CEP85L: variants seen among roughly 807,000 people sequenced by gnomAD.
CEP85L encodes centrosomal protein 85L, also known as centrosomal protein of 85 kDa-like.
In CEP85L, 60 loss-of-function variants were observed where a neutral mutation model predicts 100.3. That is an observed-to-expected ratio of 0.60 (90% CI 0.49 to 0.74). The LOEUF (loss-of-function observed/expected upper bound fraction) is 0.74. Ranked by LOEUF, CEP85L falls within the 30% of genes least tolerant of loss-of-function variation. The pLI, the probability that CEP85L is intolerant of heterozygous loss-of-function variation, is 0.00. For missense variants in CEP85L, 973 were observed against 936.2 expected (o/e 1.04, Z -0.51); for synonymous variants, 319 against 322.7 (o/e 0.99, Z 0.12).
rs1444853829 is a variant in CEP85L at position 118,464,784 on chromosome 6, C to G, written c.*621G>C. The G allele has an allele frequency of 3.9e-5, 2 of 50,840 alleles. No homozygotes were observed. The highest frequency in any genetic ancestry group is 5.3e-4 in the Admixed American group (2 of 3,740). The allele number at this position is 50,840 out of a possible 1,614,324, so 3.1% of individuals were successfully genotyped here. A position where few individuals can be genotyped will look rare whatever the true frequency, so the allele number is the denominator to read the frequency against. On this transcript the variant is annotated 3_prime_UTR_variant, in exon 13 of 13. Coordinates refer to ENST00000368491, the MANE Select transcript of CEP85L (RefSeq NM_001042475.3). ...AAAAACAGCTGACCTATCTACAGTA[C>G]TAAAATCAGCTCAACCACAAACATC...
At chr6:118,554,294 T>C (rs527486824) in intron 3 of CEP85L, among the ~76,000 whole-genome samples, 233 of 152,112 alleles carry the variant, frequency 1.5e-3, no homozygotes, top group Middle Eastern at 3.4e-3. Flanking sequence ...CAGTCATTCA[T>C]TCATCCATTC....
In CEP85L at chr6:118,512,917, C is replaced by T. The variant is rs143142979; in HGVS notation, c.1140-1502G>A. On this transcript the variant is annotated intron_variant, in intron 4 of 12. Transcript: ENST00000368491. ...ACTCATAATAATAAGAAAATCCAAT[C>T]AACTGAAAGTGAGCTAGAACTGACA... Among the ~76,000 whole-genome samples the T allele has an allele frequency of 7.2e-5, 11 of 152,156 alleles. No homozygotes were observed. The East Asian group carries it at 1.5e-3, about 21-fold the overall frequency.
intron 3 of CEP85L, among the ~76,000 whole-genome samples, chr6:118,541,712 T>C (rs761646143): frequency 1.3e-5 from 2 of 152,178 alleles, no homozygotes; most frequent in Admixed American, 6.5e-5. Flanking sequence ...TACATTAAGG[T>C]AGGATTACCT....
intron 8 of CEP85L, 63 bp downstream of exon 8, chr6:118,481,716 A>T: frequency 1.1e-6 from 1 of 950,154 alleles, no homozygotes; most frequent in Non-Finnish European, 1.5e-6. Flanking sequence ...AATTAATTTA[A>T]GTAAAATGTT....
intron 2 of CEP85L, among the ~76,000 whole-genome samples, chr6:118,609,576 C>G (rs142622309): frequency 6.6e-6 from 1 of 152,208 alleles, no homozygotes; most frequent in East Asian, 1.9e-4. Flanking sequence ...AGTATACAGA[C>G]ATATATTCCC....
At chr6:118,553,839 T>C (rs1778690599) in intron 3 of CEP85L, among the ~76,000 whole-genome samples, 1 of 152,216 alleles carries the variant, frequency 6.6e-6, no homozygotes, top group Non-Finnish European at 1.5e-5. Flanking sequence ...TTCAGGTTAA[T>C]ACTGTGTTAA....
intron 3 of CEP85L, chr6:118,559,628 ACAT>A (rs1164537758): frequency 5.9e-6 from 1 of 169,452 alleles, no homozygotes; most frequent in Non-Finnish European, 1.4e-5. Context: ...ATCAGAATCT[ACAT>A]TCTAAAACAG....
intron 3 of CEP85L, chr6:118,537,473 T>G: frequency 1.0e-6 from 1 of 976,802 alleles, no homozygotes. Flanking sequence ...AATGTAGGCA[T>G]GTAGACCCTA....
chr6:118,666,031 C>A (rs934352798), intron 1 of CEP85L, among the ~76,000 whole-genome samples: 1 of 152,156 alleles, frequency 6.6e-6, no homozygotes, highest in Non-Finnish European at 1.5e-5. Context: ...ATTTATTTAA[C>A]TTTTGGTAAA....
At chr6:118,522,621 T>C (rs1776729561) in intron 4 of CEP85L, among the ~76,000 whole-genome samples, 1 of 152,206 alleles carries the variant, frequency 6.6e-6, no homozygotes, top group Admixed American at 6.5e-5. Flanking sequence ...CTCATGTTTG[T>C]AATCCTAGCA....
intron 2 of CEP85L, among the ~76,000 whole-genome samples, chr6:118,617,190 C>A (rs1001774844): frequency 6.6e-6 from 1 of 152,054 alleles, no homozygotes; most frequent in Non-Finnish European, 1.5e-5. Context: ...GGGATTACTT[C>A]GGTTCTGGAT....
intron 2 of CEP85L, among the ~76,000 whole-genome samples, chr6:118,622,890 T>C (rs1773542795): frequency 6.6e-6 from 1 of 152,220 alleles, no homozygotes; most frequent in African/African-American, 2.4e-5. Flanking sequence ...AGGACTTCCC[T>C]TTAGAAGTGC....
rs1772192870 is a variant in CEP85L, at chr6:118,460,835, G to C, written c.*4570C>G. 6.6e-6 allele frequency: 1 copy of C among 152,004 alleles called. No individual in the cohort carries two copies. Among genetic ancestry groups the C allele is most frequent in the Non-Finnish European group, 1.5e-5 (1 of 67,990 alleles). The allele number at this position is 152,004 out of a possible 1,614,324, so 9.4% of individuals were successfully genotyped here. On this transcript the variant is annotated 3_prime_UTR_variant, in exon 13 of 13. Transcript: ENST00000368491. ...TCCAACATCAACAAACAATAGTCCA[G>C]TGGAAAAATACTAGCCATTAACATT...
intron 2 of CEP85L, among the ~76,000 whole-genome samples, chr6:118,630,240 A>G (rs1261205338): frequency 6.6e-6 from 1 of 152,240 alleles, no homozygotes; most frequent in Non-Finnish European, 1.5e-5. Context: ...CCTGTTGAAT[A>G]TAGCTGTATG....
intron 2 of CEP85L, chr6:118,589,509 C>A (rs1333108121): frequency 7.9e-6 from 2 of 254,528 alleles, no homozygotes; most frequent in Non-Finnish European, 1.7e-5. Flanking sequence ...AAAGAAAGTA[C>A]CTCTGAGAAG....
At position 118,465,244 on chromosome 6, in the gene CEP85L, C is replaced by T; in HGVS notation, c.*161G>A. ...TTCTTTTTGCCTGATTAGATAAGCC[C>T]CTTCAAAATCTCTTCACTTCCCTTC... On this transcript the variant is annotated 3_prime_UTR_variant, in exon 13 of 13. Coordinates refer to ENST00000368491, the MANE Select transcript of CEP85L (RefSeq NM_001042475.3). The T allele has an allele frequency of 3.6e-6, 2 of 549,904 alleles. No homozygotes were observed. The highest frequency in any genetic ancestry group is 3.5e-5 in the South Asian group (1 of 28,338). The allele number at this position is 549,904 out of a possible 1,614,324, so 34.1% of individuals were successfully genotyped here. A position where few individuals can be genotyped will look rare whatever the true frequency, so the allele number is the denominator to read the frequency against.
chr6:118,670,232 T>TC, intron 1 of CEP85L, among the ~76,000 whole-genome samples: 1 of 151,818 alleles, frequency 6.6e-6, no homozygotes, highest in Admixed American at 6.6e-5. Flanking sequence ...TTTTTTTTTT[T>TC]TAACTTTTAT....
intron 2 of CEP85L, among the ~76,000 whole-genome samples, chr6:118,630,381 C>A (rs1248197866): frequency 6.6e-6 from 1 of 152,140 alleles, no homozygotes; most frequent in African/African-American, 2.4e-5. Flanking sequence ...ATACAAGCTG[C>A]AAACCTTTGT....
intron 1 of CEP85L, among the ~76,000 whole-genome samples, chr6:118,672,382 T>A (rs12211149): frequency 0.044 from 6,687 of 152,276 alleles, 258 homozygotes; most frequent in African/African-American, 0.1. Flanking sequence ...TAATTTTTTT[T>A]AATATTTGTT....
Sources: allele counts gnomAD v4.1 joint callset (sites outside exome capture counted in the v4.1 genomes callset), GRCh38; gene constraint gnomAD v4.1.1; transcripts MANE v1.5; gene names NCBI Gene and HGNC (gene_info 2026-07-23, HGNC 2026-07-21).